Variants in HDX observed in about 807,000 individuals in gnomAD.
The protein encoded by HDX is highly divergent homeobox, also known as chromosome X open reading frame 43.
Under a neutral mutation model 45.2 loss-of-function variants are expected in HDX, and 19 were observed. That is an observed-to-expected ratio of 0.42 (90% confidence interval 0.29 to 0.62). The LOEUF (loss-of-function observed/expected upper bound fraction) is 0.62, where lower values mean the gene tolerates loss of function less well. Ranked by LOEUF, HDX falls within the 20% of genes least tolerant of loss-of-function variation. The pLI is 0.20. For synonymous variants in HDX, 188 were observed against 172.8 expected (o/e 1.09, Z -0.69); for missense variants, 532 against 493.9 (o/e 1.08, Z -0.73).
At chrX:84,458,079 A>G (rs1271442089) in intron 4 of HDX, among the ~76,000 whole-genome samples, 1 of 111,305 alleles carries the variant, frequency 9.0e-6, no homozygotes, top group East Asian at 2.8e-4. Flanking sequence ...ATTAAAGTTC[A>G]AAACCTAATA....
chrX:84,372,854 G>A (rs1056321741), intron 5 of HDX, among the ~76,000 whole-genome samples: 2 of 110,930 alleles, frequency 1.8e-5, no homozygotes, highest in African/African-American at 6.5e-5. Flanking sequence ...TTAATAAAAT[G>A]TTTATATAGC....
chrX:84,327,192 C>G, intron 9 of HDX, among the ~76,000 whole-genome samples: 1 of 111,597 alleles, frequency 9.0e-6, no homozygotes, highest in South Asian at 3.7e-4. Flanking sequence ...TTTTGCTAGT[C>G]GTATAGGTAA....
intron 7 of HDX, among the ~76,000 whole-genome samples, chrX:84,341,222 G>A (rs759382009): frequency 9.0e-6 from 1 of 110,767 alleles, no homozygotes; most frequent in Admixed American, 9.6e-5. Context: ...ATGAGTCACT[G>A]GGAATATCCA....
intron 5 of HDX, among the ~76,000 whole-genome samples, chrX:84,363,326 T>G (rs1253943037): frequency 6.2e-5 from 7 of 112,342 alleles, no homozygotes; most frequent in African/African-American, 2.3e-4. Context: ...AGATTCTATG[T>G]AGATTCAAAT....
At position 84,318,074 on chromosome X, in the gene HDX, C is replaced by T. The variant is rs1165399545; in HGVS notation, c.*3815G>A. ...ATTTCAGTGTGGAGCAATATACACT[C>T]AGTATATATTTTAATGAAACAATTT... On this transcript the variant is annotated 3_prime_UTR_variant, in exon 11 of 11. Coordinates refer to ENST00000373177, the MANE Select transcript of HDX (RefSeq NM_001177479.2). The T allele has an allele frequency of 9.0e-6, 1 of 110,972 alleles. No individual in the cohort carries two copies. The highest frequency in any genetic ancestry group is 9.6e-5 in the Admixed American group (1 of 10,445). 9.1% of individuals were successfully genotyped at this position (110,972 alleles called of 1,213,427 possible). A position where few individuals can be genotyped will look rare whatever the true frequency, so the allele number is the denominator to read the frequency against.
At chrX:84,356,037 G>A (rs1016102615) in intron 6 of HDX, among the ~76,000 whole-genome samples, 17 of 110,157 alleles carry the variant, frequency 1.5e-4, no homozygotes, top group African/African-American at 5.6e-4. Flanking sequence ...CAAGGTCAAA[G>A]AAAAAGTATA....
rs189402294 is a variant in HDX, at chrX:84,352,495, T to A, written c.1453-8038A>T. The stretch of plus-strand genomic sequence containing the variant: ...CTTTTAACACTTTTTTATTTTTAAT[T>A]TTTGTAGGTATATATTAGGTGTATA... On this transcript the variant is annotated intron_variant, in intron 6 of 10. Transcript: ENST00000373177. 1.5e-3 allele frequency among the ~76,000 whole-genome samples: 169 copies of A among 111,844 alleles called. 1 individual carries two copies. The highest frequency in any genetic ancestry group is 5.1e-3 in the African/African-American group (158 of 30,875).
chrX:84,438,521 G>A (rs767124893), intron 5 of HDX, among the ~76,000 whole-genome samples: 1 of 108,980 alleles, frequency 9.2e-6, no homozygotes, highest in African/African-American at 3.3e-5. Context: ...CCAACAGGTG[G>A]TTCTTCAGCC....
chrX:84,433,723 C>T (rs906143246), intron 5 of HDX, among the ~76,000 whole-genome samples: 2 of 111,151 alleles, frequency 1.8e-5, no homozygotes, highest in African/African-American at 6.5e-5. Flanking sequence ...TTCCATAAAA[C>T]ATTTCATTGG....
At chrX:84,438,969 C>T (rs568213823) in intron 5 of HDX, among the ~76,000 whole-genome samples, 2 of 112,109 alleles carry the variant, frequency 1.8e-5, no homozygotes, top group African/African-American at 6.5e-5. Flanking sequence ...AAGCTGCTTT[C>T]CACAGTGGCT....
chrX:84,383,194 C>T (rs2038230137), intron 5 of HDX, among the ~76,000 whole-genome samples: 3 of 111,073 alleles, frequency 2.7e-5, no homozygotes, highest in South Asian at 7.7e-4. Context: ...GGAAGGCAGA[C>T]ACACCCTAGC....
rs1213471785 is a variant in HDX at position 84,344,294 on chromosome X, C to T, written c.1616G>A (p.Arg539Lys). Residue 539 changes from arginine to lysine, a missense_variant, in exon 7 of 11, where the codon AGA becomes AAA. Transcript: ENST00000373177. ...CAAACAGATGGATACTTCATCATTT[C>T]TGTCATTATCCTCTCCTACTTCAGG... ...AGPEVGEDND[R>K]NDEVSICLSE... The T allele has an allele frequency of 5.0e-6, 6 of 1,208,423 alleles. No individual in the cohort carries two copies. In the South Asian group the frequency reaches 7.0e-5, roughly 14 times the overall value.
At chrX:84,346,147 T>C (rs1353862640) in intron 6 of HDX, among the ~76,000 whole-genome samples, 1 of 110,753 alleles carries the variant, frequency 9.0e-6, no homozygotes, top group African/African-American at 3.3e-5. Context: ...AAAAAATGGG[T>C]TCACTGAAAA....
At chrX:84,395,089 G>C (rs765239068) in intron 5 of HDX, among the ~76,000 whole-genome samples, 1 of 110,734 alleles carries the variant, frequency 9.0e-6, no homozygotes, top group East Asian at 2.9e-4. Flanking sequence ...TCATATCATC[G>C]TTGTGGCTTG....
At chrX:84,496,132 T>A (rs1351707296) in intron 1 of HDX, among the ~76,000 whole-genome samples, 1 of 112,111 alleles carries the variant, frequency 8.9e-6, no homozygotes, top group Non-Finnish European at 1.9e-5. Flanking sequence ...ATTTTACCTA[T>A]GACATTGGTG....
intron 4 of HDX, among the ~76,000 whole-genome samples, chrX:84,445,467 G>A (rs188459011): frequency 9.1e-6 from 1 of 109,463 alleles, no homozygotes; most frequent in South Asian, 3.9e-4. Context: ...AACATTGCTG[G>A]GCATATGATA....
chrX:84,469,399 A>G lies in HDX; in HGVS notation c.324T>C (p.Thr108=). 1 of 1,209,939 alleles carries G rather than the reference A, an allele frequency of 8.3e-7. No individual in the cohort carries two copies. The highest frequency in any genetic ancestry group is 1.1e-6 in the Non-Finnish European group (1 of 894,327). ...WTSANNDVIV[T]GIYSPASSSS... ...ATGAACTGGCTGGACTGTATATACC[A>G]GTTACAATGACATCATTATTGGCAG... Residue 108 remains threonine, a synonymous_variant, in exon 4 of 11, where the codon ACT becomes ACC. Transcript: ENST00000373177.
intron 5 of HDX, among the ~76,000 whole-genome samples, chrX:84,367,835 AC>A (rs1234552682): frequency 4.5e-5 from 5 of 111,223 alleles, no homozygotes; most frequent in Admixed American, 3.8e-4. Context: ...GGAACATCAC[AC>A]CACTGAGGCC....
chrX:84,461,922 C>T (rs1441773803), intron 4 of HDX, among the ~76,000 whole-genome samples: 2 of 112,202 alleles, frequency 1.8e-5, no homozygotes. Context: ...AAAAGGTTCT[C>T]CACATCATTA....
Sources: allele counts gnomAD v4.1 joint callset (sites outside exome capture counted in the v4.1 genomes callset), GRCh38; gene constraint gnomAD v4.1.1; transcripts MANE v1.5; gene names NCBI Gene and HGNC (gene_info 2026-07-23, HGNC 2026-07-21).